Variants in ADAMTS17 observed in about 807,000 individuals in gnomAD.
The protein encoded by ADAMTS17 is ADAM metallopeptidase with thrombospondin type 1 motif 17.
A neutral mutation model predicts 141.5 loss-of-function variants in ADAMTS17; 113 were observed. That is an observed-to-expected ratio of 0.80 (90% CI 0.69 to 0.93). The LOEUF (loss-of-function observed/expected upper bound fraction) is 0.93. ADAMTS17 is among the 40% of genes least tolerant of loss of function. ADAMTS17 has a pLI of 0.00. For synonymous variants in ADAMTS17, 768 were observed against 630.6 expected (o/e 1.22, Z -3.27); for missense variants, 1,659 against 1,517.9 (o/e 1.09, Z -1.54).
intron 7 of ADAMTS17, among the ~76,000 whole-genome samples, chr15:100,223,796 T>G (rs2042214480): frequency 6.6e-6 from 1 of 151,658 alleles, no homozygotes. Flanking sequence ...TCTGTGTGGG[T>G]GTATATATAT....
chr15:100,061,631 C>T (rs572770592), intron 15 of ADAMTS17, among the ~76,000 whole-genome samples: 1 of 152,288 alleles, frequency 6.6e-6, no homozygotes, highest in South Asian at 2.1e-4. Context: ...TCTAAAATTA[C>T]CATGCAAAAG....
intron 3 of ADAMTS17, among the ~76,000 whole-genome samples, chr15:100,307,297 C>G (rs2045259013): frequency 6.6e-6 from 1 of 152,170 alleles, no homozygotes; most frequent in Non-Finnish European, 1.5e-5. Flanking sequence ...CACTCAAATC[C>G]TTTCACAAAG....
chr15:100,112,580 G>A (rs546005551), intron 13 of ADAMTS17, among the ~76,000 whole-genome samples: 1 of 152,272 alleles, frequency 6.6e-6, no homozygotes, highest in South Asian at 2.1e-4. Context: ...AATAACATGA[G>A]GTGGTGGGAT....
At chr15:100,155,010 G>A (rs1020675269) in intron 9 of ADAMTS17, among the ~76,000 whole-genome samples, 170 bp downstream of exon 9, 2 of 152,258 alleles carry the variant, frequency 1.3e-5, no homozygotes, top group Non-Finnish European at 2.9e-5. Flanking sequence ...GCGCATGTGG[G>A]AGATGTCCTT....
chr15:100,218,088 G>C (rs1305780059), intron 7 of ADAMTS17, among the ~76,000 whole-genome samples: 2 of 152,198 alleles, frequency 1.3e-5, no homozygotes, highest in South Asian at 2.1e-4. Flanking sequence ...GCCCAGGCTA[G>C]TCTCAAACTC....
chr15:100,304,189 T>G (rs1398794557), intron 3 of ADAMTS17, among the ~76,000 whole-genome samples: 4 of 152,176 alleles, frequency 2.6e-5, no homozygotes, highest in Non-Finnish European at 5.9e-5. Flanking sequence ...CTCAGTTGCC[T>G]GTACTCTTGA....
intron 15 of ADAMTS17, among the ~76,000 whole-genome samples, chr15:100,082,664 A>G (rs1274330635): frequency 6.7e-6 from 1 of 149,514 alleles, no homozygotes; most frequent in Non-Finnish European, 1.5e-5. Context: ...GTTCCTTCCC[A>G]TGGCATTCTG....
chr15:100,146,983 C>A (rs7180963), intron 10 of ADAMTS17, among the ~76,000 whole-genome samples: 146,733 of 152,264 alleles, frequency 0.96, 70,928 homozygotes, highest in East Asian at 1. Flanking sequence ...CTTCATTAGC[C>A]ATTTTAATTT....
chr15:100,038,763 C>T (rs1269396801), intron 18 of ADAMTS17, among the ~76,000 whole-genome samples: 1 of 152,160 alleles, frequency 6.6e-6, no homozygotes, highest in Non-Finnish European at 1.5e-5. Context: ...TTTGTAAATA[C>T]AGACAGTTTT....
intron 3 of ADAMTS17, among the ~76,000 whole-genome samples, chr15:100,303,450 G>T: frequency 6.6e-6 from 1 of 151,534 alleles, no homozygotes; most frequent in South Asian, 2.1e-4. Flanking sequence ...AGACACAAAA[G>T]TTTTTAATTT....
intron 10 of ADAMTS17, among the ~76,000 whole-genome samples, chr15:100,146,714 C>T (rs1011808770): frequency 1.0e-4 from 3 of 29,810 alleles, no homozygotes; most frequent in Non-Finnish European, 2.3e-4. Context: ...GGAGAAGTAT[C>T]GCTGAATTAT....
chr15:100,040,121 T>C (rs2031113605), intron 18 of ADAMTS17, among the ~76,000 whole-genome samples: 1 of 152,234 alleles, frequency 6.6e-6, no homozygotes, highest in South Asian at 2.1e-4. Flanking sequence ...TGTGGACTGT[T>C]CATTGCTGTA....
chr15:100,081,872 T>C (rs780228057), intron 15 of ADAMTS17, among the ~76,000 whole-genome samples: 1 of 152,248 alleles, frequency 6.6e-6, no homozygotes, highest in African/African-American at 2.4e-5. Context: ...TTTCAGTTAA[T>C]GGCCTTGTTC....
intron 15 of ADAMTS17, among the ~76,000 whole-genome samples, chr15:100,062,780 A>G (rs982198646): frequency 6.6e-6 from 1 of 152,208 alleles, no homozygotes; most frequent in Non-Finnish European, 1.5e-5. Flanking sequence ...GATGACATGA[A>G]AACAGCTCAG....
chr15:100,245,868 C>A lies in ADAMTS17; in HGVS notation c.1075+8268G>T, dbSNP rs989945007. Among the ~76,000 whole-genome samples, 13 of 152,290 alleles carry A rather than the reference C, an allele frequency of 8.5e-5. No homozygotes were observed. The East Asian group carries it at 2.3e-3, about 27-fold the overall frequency. ...TCCATGGGTGTGCATGCACCCCAGG[C>A]ATGCATGAGCGTAAAGGTGTGTGTG... On this transcript the variant is annotated intron_variant, in intron 7 of 21. Coordinates refer to ENST00000268070, the MANE Select transcript of ADAMTS17 (RefSeq NM_139057.4).
At chr15:100,329,574 C>T (rs76960629) in intron 3 of ADAMTS17, among the ~76,000 whole-genome samples, 1 of 150,294 alleles carries the variant, frequency 6.7e-6, no homozygotes, top group East Asian at 1.9e-4. Context: ...ACACAACCAA[C>T]TGTCAGACCA....
chr15:100,208,519 A>C (rs1235024535), intron 7 of ADAMTS17, among the ~76,000 whole-genome samples: 1 of 152,174 alleles, frequency 6.6e-6, no homozygotes. Flanking sequence ...TAGAGATCAA[A>C]AAGTCAGGTC....
intron 12 of ADAMTS17, among the ~76,000 whole-genome samples, chr15:100,122,925 C>T (rs554964687): frequency 5.3e-5 from 8 of 152,304 alleles, no homozygotes; most frequent in African/African-American, 1.9e-4. Flanking sequence ...CAAGAGTCAA[C>T]TGTACCTTGG....
At chr15:100,317,649 G>GA (rs1275222638) in intron 3 of ADAMTS17, among the ~76,000 whole-genome samples, 3 of 151,820 alleles carry the variant, frequency 2.0e-5, no homozygotes, top group African/African-American at 7.3e-5. Flanking sequence ...TGAGCATTTT[G>GA]GGGGGGACAA....
Sources: allele counts gnomAD v4.1 joint callset (sites outside exome capture counted in the v4.1 genomes callset), GRCh38; gene constraint gnomAD v4.1.1; transcripts MANE v1.5; gene names NCBI Gene and HGNC (gene_info 2026-07-23, HGNC 2026-07-21).